The following BACH2 variants were observed in gnomAD, a reference collection of about 807,000 sequenced individuals.
The protein encoded by BACH2 is transcription regulator protein BACH2.
In BACH2, 5 loss-of-function variants were observed where a neutral mutation model predicts 61.8. That is an observed-to-expected ratio of 0.08 (90% confidence interval 0.04 to 0.17). BACH2 has a LOEUF of 0.17. Ranked by LOEUF, BACH2 falls within the 10% of genes least tolerant of loss-of-function variation. The pLI, the probability that BACH2 is intolerant of heterozygous loss-of-function variation, is 1.00. For missense variants in BACH2, 824 were observed against 1,091.1 expected (o/e 0.76, Z 3.45); for synonymous variants, 446 against 440.1 (o/e 1.01, Z -0.17).
At chr6:90,176,889 A>T (rs1469716854) in intron 4 of BACH2, among the ~76,000 whole-genome samples, 3 of 152,126 alleles carry the variant, frequency 2.0e-5, no homozygotes, top group African/African-American at 7.2e-5. Flanking sequence ...ACCCATATCC[A>T]CCCAGAGTAG....
chr6:90,031,221 T>C (rs1431044355), intron 5 of BACH2, among the ~76,000 whole-genome samples: 1 of 152,010 alleles, frequency 6.6e-6, no homozygotes, highest in Non-Finnish European at 1.5e-5. Flanking sequence ...ATAAGAGCTA[T>C]CTATGACAAA....
At chr6:90,265,501 A>G (rs995866626) in intron 2 of BACH2, among the ~76,000 whole-genome samples, 2 of 152,210 alleles carry the variant, frequency 1.3e-5, no homozygotes, top group Non-Finnish European at 2.9e-5. Context: ...CTCACACATC[A>G]GGATCTTAGT....
chr6:90,120,054 T>A (rs1783559110), intron 4 of BACH2, among the ~76,000 whole-genome samples: 2 of 152,338 alleles, frequency 1.3e-5, no homozygotes, highest in East Asian at 3.9e-4. Flanking sequence ...TTGCTAGCAG[T>A]GTGACTGGTC....
intron 4 of BACH2, chr6:90,116,996 G>A: frequency 5.5e-6 from 2 of 366,278 alleles, no homozygotes; most frequent in Non-Finnish European, 1.1e-5. Flanking sequence ...TCTTTCTCTG[G>A]CACAGATGAA....
intron 5 of BACH2, among the ~76,000 whole-genome samples, chr6:90,054,726 T>G (rs1397275954): frequency 1.3e-5 from 2 of 152,114 alleles, no homozygotes; most frequent in East Asian, 3.9e-4. Context: ...CACCCCCCAG[T>G]AGAGGCGGGC....
At chr6:90,196,390 G>A (rs559425547) in intron 4 of BACH2, among the ~76,000 whole-genome samples, 1 of 152,200 alleles carries the variant, frequency 6.6e-6, no homozygotes, top group South Asian at 2.1e-4. Context: ...GTCTATTAAA[G>A]TCTGTATTTA....
chr6:90,155,586 C>A (rs2127831348), intron 4 of BACH2, among the ~76,000 whole-genome samples: 1 of 152,244 alleles, frequency 6.6e-6, no homozygotes, highest in East Asian at 1.9e-4. Context: ...TCACAACATT[C>A]TGTAAAAACA....
At chr6:89,990,190 T>C (rs1312455405) in intron 6 of BACH2, among the ~76,000 whole-genome samples, 1 of 152,190 alleles carries the variant, frequency 6.6e-6, no homozygotes, top group African/African-American at 2.4e-5. Context: ...AGCAGCTCCA[T>C]GTGGGGAGCT....
intron 7 of BACH2, among the ~76,000 whole-genome samples, chr6:89,949,181 G>T (rs1038353981): frequency 1.8e-4 from 28 of 152,344 alleles, no homozygotes; most frequent in Admixed American, 7.2e-4. Context: ...GTAACATCCA[G>T]AGAGCACAGA....
intron 4 of BACH2, among the ~76,000 whole-genome samples, chr6:90,111,570 C>T (rs954730788): frequency 6.6e-6 from 1 of 152,220 alleles, no homozygotes; most frequent in African/African-American, 2.4e-5. Flanking sequence ...CTGTGTGCTC[C>T]AGCCTGGAAG....
intron 5 of BACH2, among the ~76,000 whole-genome samples, chr6:90,038,686 C>T (rs779635206): frequency 7.2e-5 from 11 of 152,142 alleles, no homozygotes; most frequent in Non-Finnish European, 1.5e-4. Flanking sequence ...GAACTGATGC[C>T]TATTTAAGCA....
In BACH2 at chr6:90,100,718, CACACACACAG is replaced by C. The variant is rs1782585257; in HGVS notation, c.-161-11619_-161-11610del. On this transcript the variant is annotated intron_variant, in intron 4 of 8. Coordinates refer to ENST00000257749, the MANE Select transcript of BACH2 (RefSeq NM_021813.4). Reference sequence around the variant, plus strand: ...ACACACACAGACACACACACACACACACACACACAGACACACACACACACACACACACCCT... The same window carrying C: ...ACACACACAGACACACACACACACACACACACACACACACACACACACCCT... Among the ~76,000 whole-genome samples the C allele has an allele frequency of 1.4e-5, 2 of 145,134 alleles. 1 individual carries two copies. Among genetic ancestry groups the C allele is most frequent in the African/African-American group, 5.3e-5 (2 of 37,708 alleles).
At chr6:90,017,181 T>C (rs1014247583) in intron 5 of BACH2, among the ~76,000 whole-genome samples, 1 of 152,092 alleles carries the variant, frequency 6.6e-6, no homozygotes, top group Admixed American at 6.5e-5. Context: ...CGCTCACAAA[T>C]GCCCATTTTT....
chr6:90,189,600 G>C, intron 4 of BACH2, among the ~76,000 whole-genome samples: 1 of 129,150 alleles, frequency 7.7e-6, no homozygotes, highest in East Asian at 2.3e-4. Flanking sequence ...GGGCGACAGA[G>C]CGAGACTCCG....
At chr6:90,012,230 A>C (rs1012460872) in intron 5 of BACH2, among the ~76,000 whole-genome samples, 3 of 152,152 alleles carry the variant, frequency 2.0e-5, no homozygotes, top group African/African-American at 7.2e-5. Flanking sequence ...TGGAATTTTC[A>C]CTGAGATTGT....
intron 4 of BACH2, among the ~76,000 whole-genome samples, chr6:90,093,745 A>G (rs940507834): frequency 2.0e-5 from 3 of 152,162 alleles, no homozygotes; most frequent in African/African-American, 7.2e-5. Context: ...GGCCATGTTT[A>G]GGTGTCTCAG....
chr6:89,993,818 AT>A (rs1349434113), intron 6 of BACH2, among the ~76,000 whole-genome samples: 5 of 150,700 alleles, frequency 3.3e-5, no homozygotes, highest in Non-Finnish European at 5.9e-5. Context: ...TTTTTTTTGA[AT>A]TTTTTTTCTA....
chr6:90,257,783 ATTTT>A (rs1207743039), intron 2 of BACH2, among the ~76,000 whole-genome samples: 1 of 151,810 alleles, frequency 6.6e-6, no homozygotes. Context: ...CCATTTATTT[ATTTT>A]ATTTTTGAGA....
intron 2 of BACH2, among the ~76,000 whole-genome samples, chr6:90,268,015 T>TG (rs1433761409): frequency 3.3e-5 from 5 of 151,188 alleles, no homozygotes; most frequent in African/African-American, 7.3e-5. Context: ...TTTTTGTTTT[T>TG]TTTTTTTTTT....
Sources: allele counts gnomAD v4.1 joint callset (sites outside exome capture counted in the v4.1 genomes callset), GRCh38; gene constraint gnomAD v4.1.1; transcripts MANE v1.5; gene names NCBI Gene and HGNC (gene_info 2026-07-23, HGNC 2026-07-21).